Variants in SLC47A1 observed in about 807,000 individuals in gnomAD.
SLC47A1 encodes solute carrier family 47 member 1, also known as multidrug and toxin extrusion protein 1.
A neutral mutation model predicts 65.8 loss-of-function variants in SLC47A1; 58 were observed. That is an observed-to-expected ratio of 0.88 (90% CI 0.71 to 1.10). The LOEUF (loss-of-function observed/expected upper bound fraction) is 1.10, where lower values mean the gene tolerates loss of function less well. Ranked by LOEUF, SLC47A1 falls within the 50% of genes least tolerant of loss-of-function variation. The pLI is 0.00. For synonymous variants in SLC47A1, 285 were observed against 295.0 expected, an observed-to-expected ratio of 0.97 and a Z score of 0.35; for missense variants, 706 against 719.2, an observed-to-expected ratio of 0.98 and a Z score of 0.21.
chr17:19,560,156 A>G (rs766210668), intron 10 of SLC47A1, 32 bp from the exon 11 acceptor site: 1 of 1,501,756 alleles, frequency 6.7e-7, no homozygotes, highest in Non-Finnish European at 9.2e-7. Flanking sequence ...GCAGTTTCTC[A>G]CTCATTGTTG....
At chr17:19,540,874 A>ACACACACACC (rs1285017210) in intron 1 of SLC47A1, among the ~76,000 whole-genome samples, 3 of 151,220 alleles carry the variant, frequency 2.0e-5, no homozygotes, top group Non-Finnish European at 2.9e-5. Context: ...ACACACACAC[A>ACACACACACC]CACCCCTAGG....
intron 16 of SLC47A1, 36 bp from the exon 17 acceptor site, chr17:19,577,291 T>G (rs1567580132): frequency 1.3e-6 from 2 of 1,584,718 alleles, no homozygotes; most frequent in Admixed American, 3.7e-5. Flanking sequence ...AAAAAAAAAA[T>G]CCCTTTTAAG....
chr17:19,565,365 G>A (rs2084347448), intron 12 of SLC47A1, among the ~76,000 whole-genome samples: 1 of 152,100 alleles, frequency 6.6e-6, no homozygotes, highest in South Asian at 2.1e-4. Flanking sequence ...CTTAAAAGAA[G>A]GATGATCATA....
chr17:19,551,379 G>A (rs1251799161), intron 5 of SLC47A1, 45 bp from the exon 6 acceptor site: 2 of 1,539,376 alleles, frequency 1.3e-6, no homozygotes, highest in African/African-American at 1.4e-5. Flanking sequence ...ACTTCTGTGT[G>A]GCAAGGCTGA....
chr17:19,574,040 A>G (rs760044884), intron 16 of SLC47A1, among the ~76,000 whole-genome samples: 1 of 150,918 alleles, frequency 6.6e-6, no homozygotes, highest in Non-Finnish European at 1.5e-5. Flanking sequence ...CTCCTGCCTC[A>G]GCTTCCCAAG....
intron 1 of SLC47A1, 161 bp downstream of exon 1, chr17:19,534,235 C>A: frequency 1.1e-6 from 1 of 891,722 alleles, no homozygotes; most frequent in Non-Finnish European, 1.6e-6. Flanking sequence ...CACCCCAGCT[C>A]CTCTGCCTGC....
In SLC47A1 at chr17:19,555,871, T is replaced by C; in HGVS notation, c.815T>C (p.Met272Thr). ...ATCCCCAGCATGCTCATGCTGTGCA[T>C]GGAGTGGTGGGCCTATGAGGTCGGG... ...LAIPSMLMLC[M>T]EWWAYEVGSF... is the part of the protein sequence containing the mutation. Residue 272 changes from methionine (M) to threonine (T), a missense_variant, in exon 9 of 17, where the codon ATG becomes ACG. Coordinates refer to ENST00000270570, the MANE Select transcript of SLC47A1 (RefSeq NM_018242.3). The C allele has an allele frequency of 1.2e-6, 2 of 1,613,910 alleles. No individual in the cohort carries two copies. Among genetic ancestry groups the C allele is most frequent in the Non-Finnish European group, 1.7e-6 (2 of 1,180,010 alleles).
intron 2 of SLC47A1, among the ~76,000 whole-genome samples, chr17:19,543,345 G>A (rs544857564): frequency 6.6e-6 from 1 of 150,586 alleles, no homozygotes; most frequent in Admixed American, 6.6e-5. Flanking sequence ...CTTGACCTCA[G>A]GTGATCCACC....
At chr17:19,538,448 A>C (rs1221090786) in intron 1 of SLC47A1, among the ~76,000 whole-genome samples, 1 of 152,230 alleles carries the variant, frequency 6.6e-6, no homozygotes, top group South Asian at 2.1e-4. Flanking sequence ...CAATATCCCA[A>C]ATTCCAAGTA....
chr17:19,560,892 A>AG (rs1567971407), intron 12 of SLC47A1, among the ~76,000 whole-genome samples: 1 of 151,362 alleles, frequency 6.6e-6, no homozygotes, highest in African/African-American at 2.4e-5. Flanking sequence ...AAAAAAAAAA[A>AG]AAAGAAAGAA....
intron 10 of SLC47A1, 151 bp downstream of exon 10, chr17:19,556,213 C>A: frequency 1.1e-6 from 1 of 878,176 alleles, no homozygotes; most frequent in Non-Finnish European, 1.8e-6. Context: ...TGGGAGGGTA[C>A]CTCTGCTACA....
intron 5 of SLC47A1, among the ~76,000 whole-genome samples, chr17:19,551,197 TGGAG>T (rs1489305977): frequency 6.6e-6 from 1 of 152,136 alleles, no homozygotes; most frequent in Non-Finnish European, 1.5e-5. Context: ...TTTTGCCAGA[TGGAG>T]GGAATATGCT....
At chr17:19,551,611 A>C (rs2152313869) in intron 6 of SLC47A1, 143 bp downstream of exon 6, 1 of 724,312 alleles carries the variant, frequency 1.4e-6, no homozygotes, top group Admixed American at 2.4e-5. Context: ...ATATTTTTTC[A>C]GTGTTGTGCA....
chr17:19,543,846 G>T (rs1250652680), intron 2 of SLC47A1, among the ~76,000 whole-genome samples: 1 of 152,210 alleles, frequency 6.6e-6, no homozygotes, highest in Non-Finnish European at 1.5e-5. Context: ...TGATCTGCCT[G>T]GTCTCGCCAG....
At chr17:19,575,934 T>TA (rs2084436243) in intron 16 of SLC47A1, among the ~76,000 whole-genome samples, 1 of 152,158 alleles carries the variant, frequency 6.6e-6, no homozygotes, top group Non-Finnish European at 1.5e-5. Flanking sequence ...AACACTCATA[T>TA]AACCAACTTT....
At chr17:19,558,841 C>T (rs568836677) in intron 10 of SLC47A1, among the ~76,000 whole-genome samples, 2 of 152,126 alleles carry the variant, frequency 1.3e-5, no homozygotes, top group East Asian at 1.9e-4. Flanking sequence ...ATTTGTCAGG[C>T]GATCTCTGTT....
chr17:19,551,791 A>G (rs1008661798), intron 6 of SLC47A1, among the ~76,000 whole-genome samples: 2 of 152,208 alleles, frequency 1.3e-5, no homozygotes, highest in African/African-American at 4.8e-5. Context: ...CGTCCTGGAA[A>G]GAAGGGTGCA....
At chr17:19,572,392 C>G (rs937656085) in intron 15 of SLC47A1, among the ~76,000 whole-genome samples, 9 of 152,012 alleles carry the variant, frequency 5.9e-5, no homozygotes, top group Non-Finnish European at 1.5e-5. Context: ...CTCCTGGGCT[C>G]AAGTGATCCT....
At chr17:19,572,959 ATT>A (rs1597513951) in intron 16 of SLC47A1, 98 bp downstream of exon 16, 11 of 964,616 alleles carry the variant, frequency 1.1e-5, no homozygotes, top group Non-Finnish European at 1.8e-5. Context: ...ATGAGCTCTC[ATT>A]TAAATAGGGC....
Sources: gnomAD v4.1 joint callset for allele counts (sites outside exome capture counted in the v4.1 genomes callset) on GRCh38, gnomAD v4.1.1 for gene constraint, MANE v1.5 for transcripts, NCBI Gene and HGNC (gene_info 2026-07-23, HGNC 2026-07-21) for gene names.